The following ZNF485 variants were observed in gnomAD, a reference collection of about 807,000 sequenced individuals.
ZNF485 encodes zinc finger protein 485, also known as Zinc finger protein 93 (Zinc finger protein HTF34).
In ZNF485, 9 loss-of-function variants were observed where a neutral mutation model predicts 10.8. That is an observed-to-expected ratio of 0.83 (90% CI 0.50 to 1.45). The LOEUF (loss-of-function observed/expected upper bound fraction) is 1.45. Ranked by LOEUF, ZNF485 falls within the 40% of genes most tolerant of loss-of-function variation. ZNF485 has a pLI of 0.00. For missense variants in ZNF485, 487 were observed against 528.0 expected (o/e 0.92, Z 0.76); for synonymous variants, 187 against 181.0 (o/e 1.03, Z -0.27).
At chr10:43,609,428 T>C in intron 4 of ZNF485, 78 bp downstream of exon 4, 1 of 1,127,172 alleles carries the variant, frequency 8.9e-7, no homozygotes, top group Non-Finnish European at 1.3e-6. Flanking sequence ...AGCTCATCTT[T>C]GAGTGCCCTG....
intron 4 of ZNF485, among the ~76,000 whole-genome samples, chr10:43,615,773 T>G (rs1838846695): frequency 6.6e-6 from 1 of 152,232 alleles, no homozygotes. Flanking sequence ...AGAACTATTT[T>G]TGTTCCTTGA....
chr10:43,616,960 C>T lies in ZNF485; in HGVS notation c.917C>T (p.Ala306Val). 1 of 1,614,038 alleles carries T rather than the reference C, an allele frequency of 6.2e-7. No individual in the cohort carries two copies. The highest frequency in any genetic ancestry group is 1.3e-5 in the African/African-American group (1 of 75,016). ...KPYQCNECGK[A>V]FRKSSTLISH... ...TATCAGTGTAATGAATGTGGAAAAG[C>T]CTTTAGGAAGAGCTCAACTCTTATT... The change falls in exon 5 of 5, where the codon GCC (alanine) becomes GTC (valine). Residue 306 changes from alanine (A) to valine (V), a missense_variant. Coordinates refer to ENST00000361807, the MANE Select transcript of ZNF485 (RefSeq NM_145312.4).
Position 43,617,167 on chromosome 10 carries a change from T to G in ZNF485, c.1124T>G (p.Ile375Ser). 1 of 1,614,176 alleles carries G rather than the reference T, an allele frequency of 6.2e-7. No homozygotes were observed. The highest frequency in any genetic ancestry group is 8.5e-7 in the Non-Finnish European group (1 of 1,180,038). ...TCAACCCTTACTGGACATCAGAGAA[T>G]TCATACTGGAGAAAAACCCTATCAC... ...KSSTLTGHQR[I>S]HTGEKPYHCK... The change falls in exon 5 of 5, where the codon ATT becomes AGT. Residue 375 changes from isoleucine (I) to serine (S), a missense_variant. Physicochemically the swap from Ile to Ser is moderately radical, Grantham distance 142 (BLOSUM62 -2). Transcript: ENST00000361807.
chr10:43,617,553 G>C lies in ZNF485; in HGVS notation c.*184G>C, dbSNP rs41313824. The C allele has an allele frequency of 0.051, 27,026 of 535,020 alleles. 815 individuals are homozygous for C. Among genetic ancestry groups the C allele is most frequent in the Middle Eastern group, 0.061 (127 of 2,088 alleles). 33.1% of individuals were successfully genotyped at this position (535,020 alleles called of 1,614,324 possible). A position where few individuals can be genotyped will look rare whatever the true frequency, so the allele number is the denominator to read the frequency against. ...CTAAATGTATGTCAGTATGGAAGTA[G>C]TTATAGCATACTGTGTGCTAATTGA... On this transcript the variant is annotated 3_prime_UTR_variant, in exon 5 of 5. Coordinates refer to ENST00000361807, the MANE Select transcript of ZNF485 (RefSeq NM_145312.4).
intron 4 of ZNF485, among the ~76,000 whole-genome samples, chr10:43,614,033 G>A (rs570324869): frequency 8.5e-5 from 13 of 152,212 alleles, no homozygotes; most frequent in African/African-American, 3.1e-4. Context: ...GGCCAACATG[G>A]TGAAGCCCTG....
At chr10:43,615,127 G>A (rs1838829674) in intron 4 of ZNF485, among the ~76,000 whole-genome samples, 1 of 152,204 alleles carries the variant, frequency 6.6e-6, no homozygotes. Flanking sequence ...AATATCCATT[G>A]CATGGAATTT....
Position 43,608,766 on chromosome 10 carries a change from A to G in ZNF485, c.151+26A>G, listed in dbSNP as rs1393488552. ...GTGAGGATGGCTTTCTCCTTGACTC[A>G]GGATTGGTCTGCTGGGCAACTTTGT... On this transcript the variant is annotated intron_variant, in intron 3 of 4. Coordinates refer to ENST00000361807, the MANE Select transcript of ZNF485 (RefSeq NM_145312.4). 6 of 1,608,426 alleles carry G rather than the reference A, an allele frequency of 3.7e-6. No individual in the cohort carries two copies. In the African/African-American group the frequency reaches 4.0e-5, roughly 11 times the overall value.
At chr10:43,611,637 G>T (rs1286973995) in intron 4 of ZNF485, among the ~76,000 whole-genome samples, 2 of 152,166 alleles carry the variant, frequency 1.3e-5, no homozygotes, top group African/African-American at 4.8e-5. Context: ...CAACATATGA[G>T]TGCCACTTTT....
rs377645289 is a variant in ZNF485, at chr10:43,609,211, C to A, written c.152-44C>A. 7.6e-6 allele frequency: 11 copies of A among 1,438,098 alleles called. No individual in the cohort carries two copies. The Admixed American group carries it at 1.4e-4, about 19-fold the overall frequency. 89.1% of individuals were successfully genotyped at this position (1,438,098 alleles called of 1,614,324 possible). A position where few individuals can be genotyped will look rare whatever the true frequency, so the allele number is the denominator to read the frequency against. ...AACCGCCATCACATTCCTTTTCATTCATTTTTTTTTTCTTCCTCTAAGATC... is the reference window on the plus strand; with the variant it reads ...AACCGCCATCACATTCCTTTTCATTAATTTTTTTTTTCTTCCTCTAAGATC... On this transcript the variant is annotated intron_variant, in intron 3 of 4. Coordinates refer to ENST00000361807, the MANE Select transcript of ZNF485 (RefSeq NM_145312.4).
At position 43,617,691 on chromosome 10, in the gene ZNF485, G is replaced by C. The variant is rs897243306; in HGVS notation, c.*322G>C. The stretch of plus-strand genomic sequence containing the variant: ...GGATTGCTTAAGCCCAGGAGTTTGA[G>C]TCTGTAATGCACTATGATTGTGCAT... On this transcript the variant is annotated 3_prime_UTR_variant, in exon 5 of 5. Coordinates refer to ENST00000361807, the MANE Select transcript of ZNF485 (RefSeq NM_145312.4). 7 of 221,094 alleles carry C rather than the reference G, an allele frequency of 3.2e-5. No individual in the cohort carries two copies. The highest frequency in any genetic ancestry group is 1.4e-4 in the African/African-American group (6 of 44,100). 13.7% of individuals were successfully genotyped at this position (221,094 alleles called of 1,614,324 possible).
intron 4 of ZNF485, among the ~76,000 whole-genome samples, chr10:43,611,007 G>T (rs765356390): frequency 4.6e-5 from 7 of 151,924 alleles, no homozygotes; most frequent in Non-Finnish European, 1.0e-4. Flanking sequence ...TAACTATATT[G>T]TTTAGAGCTT....
intron 2 of ZNF485, 148 bp downstream of exon 2, chr10:43,607,222 C>T (rs2132344994): frequency 1.2e-6 from 1 of 866,926 alleles, no homozygotes; most frequent in Non-Finnish European, 1.9e-6. Flanking sequence ...GTCCTGTCTA[C>T]CCATTACGTA....
intron 1 of ZNF485, 66 bp from the exon 2 acceptor site, chr10:43,606,931 A>G: frequency 1.5e-6 from 2 of 1,312,164 alleles, no homozygotes; most frequent in Admixed American, 2.0e-5. Flanking sequence ...GACCTGGTCT[A>G]GAGGGCAGAT....
At position 43,616,436 on chromosome 10, in the gene ZNF485, G is replaced by C. The variant is rs1172392988; in HGVS notation, c.393G>C (p.Lys131Asn). 3 of 1,614,160 alleles carry C rather than the reference G, an allele frequency of 1.9e-6. No individual in the cohort carries two copies. The highest frequency in any genetic ancestry group is 2.5e-6 in the Non-Finnish European group (3 of 1,180,014). ...EGRSSTEKNY[K>N]CKECGKVFKY... ...GAAGCTCCACAGAGAAGAACTATAAGTGCAAGGAATGTGGGAAAGTCTTCA... is the reference window on the plus strand; with the variant it reads ...GAAGCTCCACAGAGAAGAACTATAACTGCAAGGAATGTGGGAAAGTCTTCA... Residue 131 changes from lysine (K) to asparagine (N), a missense_variant, in exon 5 of 5, where the codon AAG (lysine) becomes AAC (asparagine). Lys to Asn is a moderately conservative substitution (Grantham distance 94). Transcript: ENST00000361807.
chr10:43,611,616 A>G (rs1838770156), intron 4 of ZNF485, among the ~76,000 whole-genome samples: 1 of 152,194 alleles, frequency 6.6e-6, no homozygotes, highest in Admixed American at 6.5e-5. Flanking sequence ...ACATGTTTAT[A>G]CTCCTAATGA....
chr10:43,606,853 T>C, intron 1 of ZNF485, 144 bp from the exon 2 acceptor site: 1 of 631,662 alleles, frequency 1.6e-6, no homozygotes, highest in East Asian at 2.7e-5. Context: ...AGCCGTTCCC[T>C]TTCCTTTCTT....
rs573807375 is a variant in ZNF485 at position 43,607,117 on chromosome 10, GC to G, written c.24+44del. 2.1e-5 allele frequency: 33 copies of G among 1,550,384 alleles called. No homozygotes were observed. The African/African-American group carries it at 4.2e-4, about 20-fold the overall frequency. ...ATTTCTTGAGAAACCACGTGTTTCA[GC>G]GAGGTGGGGTTTATGCCTCTTGCCC... On this transcript the variant is annotated intron_variant, in intron 2 of 4. Transcript: ENST00000361807.
intron 3 of ZNF485, 49 bp downstream of exon 3, chr10:43,608,789 T>G: frequency 2.5e-6 from 4 of 1,595,478 alleles, no homozygotes; most frequent in Non-Finnish European, 3.4e-6. Flanking sequence ...TGGGCAACTT[T>G]GTGTTTTCAC....
At chr10:43,611,825 G>A (rs940453198) in intron 4 of ZNF485, among the ~76,000 whole-genome samples, 2 of 152,240 alleles carry the variant, frequency 1.3e-5, no homozygotes, top group South Asian at 2.1e-4. Context: ...TCCTTTGCCC[G>A]TTTTACTGTG....
Sources: allele counts gnomAD v4.1 joint callset (sites outside exome capture counted in the v4.1 genomes callset), GRCh38; gene constraint gnomAD v4.1.1; transcripts MANE v1.5; gene names NCBI Gene and HGNC (gene_info 2026-07-23, HGNC 2026-07-21).